DUSP22: variants seen among roughly 807,000 people sequenced by gnomAD.
The protein encoded by DUSP22 is dual specificity phosphatase 22.
A neutral mutation model predicts 24.5 loss-of-function variants in DUSP22; 24 were observed. The observed-to-expected ratio is 0.98, with a 90% CI of 0.71 to 1.38. The LOEUF (loss-of-function observed/expected upper bound fraction) is 1.38, where lower values mean the gene tolerates loss of function less well. DUSP22 is among the 40% of genes most tolerant of loss of function. DUSP22 has a pLI of 0.00. For missense variants in DUSP22, 330 were observed against 269.2 expected (o/e 1.23, Z -1.58); for synonymous variants, 160 against 106.4 (o/e 1.50, Z -3.10).
chr6:310,494 A>G (rs1247934145), intron 2 of DUSP22, among the ~76,000 whole-genome samples: 3 of 152,308 alleles, frequency 2.0e-5, no homozygotes, highest in Non-Finnish European at 4.4e-5. Flanking sequence ...AGATAATTTA[A>G]TAGCCAACTG....
At chr6:315,287 C>T (rs1758293499) in intron 3 of DUSP22, among the ~76,000 whole-genome samples, 1 of 152,308 alleles carries the variant, frequency 6.6e-6, no homozygotes, top group African/African-American at 2.4e-5. Context: ...GTTTCTATGC[C>T]CCACTGCTCT....
Position 349,839 on chromosome 6 carries a change from G to A in DUSP22, c.*888G>A, listed in dbSNP as rs1342734768. ...GAGCTGATTGCACTTGAGCTCTGTG[G>A]TGGGCAGGCGCACTTTAGCCTAAGT... On this transcript the variant is annotated 3_prime_UTR_variant, in exon 7 of 7. Coordinates refer to ENST00000419235, the MANE Select transcript of DUSP22 (RefSeq NM_001286555.3). 1.0e-6 allele frequency: 1 copy of A among 985,894 alleles called. No individual in the cohort carries two copies. The highest frequency in any genetic ancestry group is 1.2e-6 in the Non-Finnish European group (1 of 830,342). The allele number at this position is 985,894 out of a possible 1,614,324, so 61.1% of individuals were successfully genotyped here. A position where few individuals can be genotyped will look rare whatever the true frequency, so the allele number is the denominator to read the frequency against.
chr6:320,695 G>T (rs113414669), intron 3 of DUSP22, among the ~76,000 whole-genome samples: 1 of 152,270 alleles, frequency 6.6e-6, no homozygotes, highest in Non-Finnish European at 1.5e-5. Flanking sequence ...GGACTAGTGC[G>T]GTTTGACTCA....
intron 3 of DUSP22, among the ~76,000 whole-genome samples, chr6:316,410 GT>G (rs1306417809): frequency 1.3e-5 from 2 of 152,306 alleles, no homozygotes; most frequent in Admixed American, 6.5e-5. Flanking sequence ...TCCTTCGCCT[GT>G]TTCTGTGCTC....
intron 1 of DUSP22, among the ~76,000 whole-genome samples, chr6:296,748 T>G (rs552688420): frequency 1.8e-4 from 27 of 152,416 alleles, no homozygotes; most frequent in African/African-American, 6.0e-4. Context: ...CCCAAATGCT[T>G]CTCATGTGCA....
intron 4 of DUSP22, among the ~76,000 whole-genome samples, chr6:343,686 C>CGTGTGCATGTTTGCGTGTGCATGTTTGT (rs1188108456): frequency 1.3e-5 from 2 of 151,976 alleles, no homozygotes; most frequent in Non-Finnish European, 2.9e-5. Context: ...TGCATGTTTG[C>CGTGTGCATGTTTGCGTGTGCATGTTTGT]GTGTGCATGT....
chr6:322,650 A>C (rs1436815711), intron 3 of DUSP22, among the ~76,000 whole-genome samples: 1 of 152,282 alleles, frequency 6.6e-6, no homozygotes, highest in Non-Finnish European at 1.5e-5. Flanking sequence ...AGGTTGGTAG[A>C]AACAACCAAG....
chr6:293,895 A>C (rs1243738092), intron 1 of DUSP22, among the ~76,000 whole-genome samples: 2 of 151,290 alleles, frequency 1.3e-5, no homozygotes, highest in Non-Finnish European at 1.5e-5. Context: ...GAGCACTGGA[A>C]TCCATCAGCA....
chr6:313,657 G>T (rs1581158872), intron 3 of DUSP22, among the ~76,000 whole-genome samples: 1 of 152,300 alleles, frequency 6.6e-6, no homozygotes, highest in East Asian at 1.9e-4. Flanking sequence ...TAGTCTCCGG[G>T]TGCTATTATT....
At chr6:293,434 C>T (rs1757185713) in intron 1 of DUSP22, among the ~76,000 whole-genome samples, 1 of 152,298 alleles carries the variant, frequency 6.6e-6, no homozygotes, top group African/African-American at 2.4e-5. Context: ...GCAACAAAGA[C>T]AAGTACCTTT....
intron 4 of DUSP22, among the ~76,000 whole-genome samples, chr6:337,501 G>C (rs1167692612): frequency 6.6e-6 from 1 of 152,420 alleles, no homozygotes; most frequent in Admixed American, 6.5e-5. Context: ...TGGAGGGACA[G>C]GGGAGACAGA....
At chr6:321,528 T>A (rs75895972) in intron 3 of DUSP22, among the ~76,000 whole-genome samples, 1 of 152,298 alleles carries the variant, frequency 6.6e-6, no homozygotes, top group Non-Finnish European at 1.5e-5. Context: ...GGACTGGATA[T>A]TTTTTAGAAG....
At chr6:328,053 A>G (rs1581174394) in intron 3 of DUSP22, among the ~76,000 whole-genome samples, 1 of 152,290 alleles carries the variant, frequency 6.6e-6, no homozygotes, top group African/African-American at 2.4e-5. Context: ...TAAGAGATAA[A>G]TTTTTCCCTG....
intron 3 of DUSP22, among the ~76,000 whole-genome samples, chr6:331,945 C>A (rs1040077005): frequency 6.6e-6 from 1 of 152,302 alleles, no homozygotes; most frequent in Non-Finnish European, 1.5e-5. Flanking sequence ...GCTGGTGTCC[C>A]TTGAGCATGT....
intron 3 of DUSP22, among the ~76,000 whole-genome samples, chr6:320,989 T>TA (rs1222504257): frequency 6.6e-6 from 1 of 152,296 alleles, no homozygotes; most frequent in Non-Finnish European, 1.5e-5. Flanking sequence ...TGTAAATCCT[T>TA]AAAAATGCAT....
intron 4 of DUSP22, 122 bp from the exon 5 acceptor site, chr6:345,731 TA>T: frequency 5.9e-6 from 7 of 1,193,118 alleles, no homozygotes; most frequent in Non-Finnish European, 8.2e-6. Flanking sequence ...TATGTAGAAT[TA>T]TGTGTCAATT....
intron 3 of DUSP22, among the ~76,000 whole-genome samples, chr6:330,182 G>A (rs1292472117): frequency 1.3e-5 from 2 of 152,298 alleles, no homozygotes; most frequent in Non-Finnish European, 2.9e-5. Context: ...GCTGAGATGA[G>A]AAACCGGGGC....
chr6:325,616 C>T, intron 3 of DUSP22: 1 of 206,720 alleles, frequency 4.8e-6, no homozygotes, highest in East Asian at 1.9e-4. Context: ...AATGCTGTAT[C>T]TGCTGGTGCC....
intron 4 of DUSP22, among the ~76,000 whole-genome samples, chr6:345,261 G>T (rs1224791228): frequency 6.6e-6 from 1 of 151,192 alleles, no homozygotes; most frequent in East Asian, 1.9e-4. Flanking sequence ...CCAGGCTGGA[G>T]TGCAGTCGTG....
Sources: gnomAD v4.1 joint callset for allele counts (sites outside exome capture counted in the v4.1 genomes callset) on GRCh38, gnomAD v4.1.1 for gene constraint, MANE v1.5 for transcripts, NCBI Gene and HGNC (gene_info 2026-07-23, HGNC 2026-07-21) for gene names.